Variants in ACAD9 observed in about 807,000 individuals in gnomAD.
ACAD9 encodes the protein acyl-CoA dehydrogenase family member 9.
In ACAD9, 53 loss-of-function variants were observed where a neutral mutation model predicts 70.2. The observed-to-expected ratio is 0.75, with a 90% CI of 0.61 to 0.95. The LOEUF (loss-of-function observed/expected upper bound fraction) is 0.95. ACAD9 is among the 40% of genes least tolerant of loss of function. ACAD9 has a pLI of 0.00. For missense variants in ACAD9, 777 were observed against 802.8 expected (o/e 0.97, Z 0.39); for synonymous variants, 313 against 312.1 (o/e 1.00, Z -0.03).
In ACAD9 at chr3:128,896,655, A is replaced by G. The variant is rs1354242201; in HGVS notation, c.554+119A>G. 6 of 984,890 alleles carry G rather than the reference A, an allele frequency of 6.1e-6. 1 individual carries two copies. Among genetic ancestry groups the G allele is most frequent in the South Asian group, 5.5e-5 (4 of 72,712 alleles). The allele number at this position is 984,890 out of a possible 1,614,324, so 61.0% of individuals were successfully genotyped here. ...CTTTTCCTTCTTTCCAAAATCTTGC[A>G]AAGAATCAACTCAGCAACTGTTCTT... On this transcript the variant is annotated intron_variant, in intron 5 of 17. Transcript: ENST00000308982.
At chr3:128,904,630 T>C in intron 11 of ACAD9, 125 bp downstream of exon 11, 6 of 1,469,770 alleles carry the variant, frequency 4.1e-6, no homozygotes, top group South Asian at 3.7e-5. Context: ...GTATTTATGA[T>C]GCACTTGCCC....
chr3:128,889,446 G>A (rs1935349089), intron 2 of ACAD9, among the ~76,000 whole-genome samples: 1 of 152,200 alleles, frequency 6.6e-6, no homozygotes, highest in Non-Finnish European at 1.5e-5. Context: ...ACGCATGACT[G>A]TATTTAGAGA....
At position 128,899,480 on chromosome 3, in the gene ACAD9, C is replaced by T. The variant is rs749700789; in HGVS notation, c.808+19C>T. The stretch of plus-strand genomic sequence containing the variant: ...TCCAACAGTAAGTAGCTCCTGTGCG[C>T]GCGTGCGCGTGTGTGTGTGTAAGGG... On this transcript the variant is annotated intron_variant, in intron 7 of 17. Transcript: ENST00000308982. 39 of 1,611,762 alleles carry T rather than the reference C, an allele frequency of 2.4e-5. No homozygotes were observed. Among genetic ancestry groups the T allele is most frequent in the Admixed American group, 8.3e-5 (5 of 59,884 alleles).
chr3:128,887,864 A>G (rs939146935), intron 2 of ACAD9, among the ~76,000 whole-genome samples: 59 of 152,104 alleles, frequency 3.9e-4, no homozygotes, highest in Non-Finnish European at 8.7e-4. Flanking sequence ...TTCAAAGAGG[A>G]GGCTAATCAC....
chr3:128,902,759 C>T lies in ACAD9; in HGVS notation c.958+131C>T. The stretch of plus-strand genomic sequence containing the variant: ...CCAGGCTACCAGCCTGAGCTCAGTC[C>T]CTGGGCTTTTGTGGAGACCAGAGGG... On this transcript the variant is annotated intron_variant, in intron 9 of 17. Coordinates refer to ENST00000308982, the MANE Select transcript of ACAD9 (RefSeq NM_014049.5). The surrounding 1 kb of genome is among the most constrained non-coding windows in gnomAD (Gnocchi z 4.0). 9.4e-7 allele frequency: 1 copy of T among 1,067,376 alleles called. No individual in the cohort carries two copies. The highest frequency in any genetic ancestry group is 1.4e-6 in the Non-Finnish European group (1 of 708,642). The allele number at this position is 1,067,376 out of a possible 1,614,324, so 66.1% of individuals were successfully genotyped here.
At chr3:128,899,482 C>T (rs779106705) in intron 7 of ACAD9, 21 bp downstream of exon 7, 53 of 1,611,010 alleles carry the variant, frequency 3.3e-5, no homozygotes, top group East Asian at 1.8e-4. Context: ...CCTGTGCGCG[C>T]GTGCGCGTGT....
chr3:128,899,532 G>T (rs1219212545), intron 7 of ACAD9, 71 bp downstream of exon 7: 1 of 1,191,428 alleles, frequency 8.4e-7, no homozygotes, highest in South Asian at 1.4e-5. Context: ...CGGTGTGTGT[G>T]TGTGTGTGTG....
intron 7 of ACAD9, among the ~76,000 whole-genome samples, chr3:128,900,460 G>C (rs143294265): frequency 1.3e-5 from 2 of 151,356 alleles, no homozygotes; most frequent in South Asian, 4.2e-4. Flanking sequence ...GGATGGCCTC[G>C]ATCTCCTGAC....
At position 128,902,162 on chromosome 3, in the gene ACAD9, A is replaced by G. The variant is rs1935758098; in HGVS notation, c.883-391A>G. Among the ~76,000 whole-genome samples, 1 of 152,184 alleles carries G rather than the reference A, an allele frequency of 6.6e-6. No homozygotes were observed. Among genetic ancestry groups the G allele is most frequent in the African/African-American group, 2.4e-5 (1 of 41,444 alleles). ...TTGGCTGCTATCAGTAATGCTACTT[A>G]TGAACATTCATGTCAAGTTTTAATG... On this transcript the variant is annotated intron_variant, in intron 8 of 17. Coordinates refer to ENST00000308982, the MANE Select transcript of ACAD9 (RefSeq NM_014049.5). The surrounding 1 kb of genome is among the most constrained non-coding windows in gnomAD (Gnocchi z 4.0).
intron 1 of ACAD9, among the ~76,000 whole-genome samples, chr3:128,884,063 G>T (rs1935174676): frequency 6.6e-6 from 1 of 152,236 alleles, no homozygotes; most frequent in African/African-American, 2.4e-5. Context: ...GCAGATGTCT[G>T]TGAGCAGGAG....
chr3:128,906,321 GCC>G, intron 12 of ACAD9, 72 bp downstream of exon 12: 1 of 1,595,042 alleles, frequency 6.3e-7, no homozygotes, highest in Non-Finnish European at 8.5e-7. Flanking sequence ...GCTGCTCAGG[GCC>G]TCGCAGAGGC....
chr3:128,894,682 T>C (rs1325275146), intron 3 of ACAD9, among the ~76,000 whole-genome samples: 1 of 151,578 alleles, frequency 6.6e-6, no homozygotes, highest in African/African-American at 2.4e-5. Context: ...ACTACAGGCG[T>C]GCGCCGCCAT....
chr3:128,886,408 A>G (rs1419969045), intron 2 of ACAD9, among the ~76,000 whole-genome samples: 1 of 151,848 alleles, frequency 6.6e-6, no homozygotes, highest in African/African-American at 2.4e-5. Context: ...CTAATGAAAA[A>G]TATTTTGAAA....
chr3:128,910,575 G>A (rs181122186), intron 16 of ACAD9, among the ~76,000 whole-genome samples, 166 bp from the exon 17 acceptor site: 10 of 152,202 alleles, frequency 6.6e-5, no homozygotes, highest in Non-Finnish European at 1.3e-4. Context: ...TTGGGGAAAG[G>A]CTGTTGGATC....
intron 6 of ACAD9, 53 bp downstream of exon 6, chr3:128,897,763 C>A: frequency 6.7e-7 from 1 of 1,498,958 alleles, no homozygotes; most frequent in Non-Finnish European, 9.2e-7. Flanking sequence ...ACCTTCACTG[C>A]CACTGAGTGA....
chr3:128,896,240 G>T (rs555679174), intron 4 of ACAD9, among the ~76,000 whole-genome samples, 196 bp from the exon 5 acceptor site: 1 of 152,256 alleles, frequency 6.6e-6, no homozygotes, highest in African/African-American at 2.4e-5. Context: ...ACAGGCTCAC[G>T]GCACTGGCAT....
In ACAD9 at chr3:128,899,729, T is replaced by G. The variant is rs374587517; in HGVS notation, c.808+268T>G. On this transcript the variant is annotated intron_variant, in intron 7 of 17. Coordinates refer to ENST00000308982, the MANE Select transcript of ACAD9 (RefSeq NM_014049.5). ...TGCTCACTTGAAGGCCTGCTGGTCA[T>G]CCCCTGCTGTAGCTGCCCTAGCAGA... Among the ~76,000 whole-genome samples, 5 of 152,344 alleles carry G rather than the reference T, an allele frequency of 3.3e-5. No homozygotes were observed. The East Asian group carries it at 9.6e-4, about 29-fold the overall frequency.
chr3:128,901,432 C>T (rs748076829), intron 8 of ACAD9, 83 bp downstream of exon 8: 141 of 1,441,200 alleles, frequency 9.8e-5, no homozygotes, highest in Non-Finnish European at 1.3e-4. Context: ...TATCCCTGCT[C>T]GTAGCAGAGT....
chr3:128,889,300 C>T (rs1488794882), intron 2 of ACAD9, among the ~76,000 whole-genome samples: 3 of 152,092 alleles, frequency 2.0e-5, no homozygotes, highest in Admixed American at 2.0e-4. Flanking sequence ...AGGCATGAGA[C>T]ACCACGCCCG....
Sources: allele counts gnomAD v4.1 joint callset (sites outside exome capture counted in the v4.1 genomes callset), GRCh38; gene constraint gnomAD v4.1.1; non-coding constraint Gnocchi (gnomAD v3.1); transcripts MANE v1.5; gene names NCBI Gene and HGNC (gene_info 2026-07-23, HGNC 2026-07-21).